The following NLRP1 variants were observed in gnomAD, a reference collection of about 807,000 sequenced individuals.
NLRP1 encodes NACHT, LRR and PYD domains-containing protein 1.
NLRP1 carries 94 observed loss-of-function variants against 136.7 expected under a neutral mutation model. The ratio of observed to expected loss-of-function variants is 0.69; its 90% CI spans 0.58 to 0.82. The LOEUF is 0.82. NLRP1 is among the 40% of genes least tolerant of loss of function. The pLI, the probability that NLRP1 is intolerant of heterozygous loss-of-function variation, is 0.00. For missense variants in NLRP1, 1,575 were observed against 1,802.7 expected (o/e 0.87, Z 2.29); for synonymous variants, 690 against 725.1 (o/e 0.95, Z 0.78).
rs562873065 is a variant in NLRP1 at position 5,557,667 on chromosome 17, T to C, written c.2357+672A>G. The stretch of plus-strand genomic sequence containing the variant: ...GACATAGACACATACCAATAGCATG[T>C]GATCGATACCACGACAGAGGTCGGG... On this transcript the variant is annotated intron_variant, in intron 4 of 16. Coordinates refer to ENST00000572272, the MANE Select transcript of NLRP1 (RefSeq NM_033004.4). 9.2e-5 allele frequency among the ~76,000 whole-genome samples: 14 copies of C among 152,320 alleles called. No individual in the cohort carries two copies. The South Asian group carries it at 2.9e-3, about 32-fold the overall frequency.
chr17:5,501,572 T>C, exon 16 of NLRP1: 2 of 397,782 alleles, frequency 5.0e-6, no homozygotes, highest in Non-Finnish European at 9.4e-6. Context: ...GCCTTCTTCC[T>C]TTTTTTTCTC....
rs76234137 is a variant in NLRP1, at chr17:5,514,443, C to T, written c.*311G>A. On this transcript the variant is annotated 3_prime_UTR_variant, in exon 17 of 17. Transcript: ENST00000572272. ...TCCATGTCCCTCCTATTCCTCTTTG[C>T]GCCTGGATGGGATCCGGAGGGCTCT... The T allele has an allele frequency of 7.0e-4, 845 of 1,208,668 alleles. 9 individuals carry two copies. The East Asian group carries it at 0.023, about 33-fold the overall frequency. 74.9% of individuals were successfully genotyped at this position (1,208,668 alleles called of 1,614,324 possible).
At chr17:5,530,446 C>T in intron 12 of NLRP1, 35 bp downstream of exon 12, 1 of 1,580,392 alleles carries the variant, frequency 6.3e-7, no homozygotes, top group South Asian at 1.1e-5. Context: ...CCATAATTAC[C>T]ACCACCTTCC....
chr17:5,538,578 CATAAAT>C (rs1245941915), intron 7 of NLRP1, among the ~76,000 whole-genome samples: 2 of 152,136 alleles, frequency 1.3e-5, no homozygotes, highest in South Asian at 2.1e-4. Context: ...CCACAGAGCT[CATAAAT>C]ATAGACTTGT....
intron 3 of NLRP1, among the ~76,000 whole-genome samples, chr17:5,564,279 A>T (rs1029912637): frequency 6.6e-6 from 1 of 152,208 alleles, no homozygotes; most frequent in Admixed American, 6.6e-5. Flanking sequence ...TGTGCTATCA[A>T]ACAGTGGGTC....
chr17:5,506,787 A>C (rs1428708408), intron 15 of NLRP1, among the ~76,000 whole-genome samples: 2 of 151,468 alleles, frequency 1.3e-5, no homozygotes, highest in Admixed American at 1.3e-4. Flanking sequence ...CTGTAATCCC[A>C]GCTACTTGGG....
chr17:5,514,678 G>T lies in NLRP1; in HGVS notation c.*76C>A. On this transcript the variant is annotated 3_prime_UTR_variant, in exon 17 of 17. Transcript: ENST00000572272. The stretch of plus-strand genomic sequence containing the variant: ...AGGCAAACCAGATGGCAACTTGTTT[G>T]CAGAGAAAGAAACTGAGACCCAAAG... The T allele has an allele frequency of 6.4e-7, 1 of 1,572,556 alleles. No individual in the cohort carries two copies. The highest frequency in any genetic ancestry group is 8.6e-7 in the Non-Finnish European group (1 of 1,158,274).
At chr17:5,515,659 A>G (rs1875449723) in intron 15 of NLRP1, 142 bp from the exon 16 acceptor site, 1 of 700,610 alleles carries the variant, frequency 1.4e-6, no homozygotes, top group African/African-American at 1.8e-5. Context: ...AATCTGGAGT[A>G]AGAGCTGGAA....
Position 5,584,253 on chromosome 17 carries a change from G to T in NLRP1, c.-296C>A, listed in dbSNP as rs1335257580. ...CAGGCAGGGAGGGTGAGGGTGAGGG[G>T]AGATGTGGTGACGGGAGATGGGGTG... On this transcript the variant is annotated 5_prime_UTR_variant, in exon 1 of 17. Transcript: ENST00000572272. The T allele has an allele frequency of 1.8e-5, 9 of 494,046 alleles. No individual in the cohort carries two copies. The highest frequency in any genetic ancestry group is 3.3e-5 in the Non-Finnish European group (9 of 272,698). The allele number at this position is 494,046 out of a possible 1,614,324, so 30.6% of individuals were successfully genotyped here.
Position 5,582,807 on chromosome 17 carries a change from T to C in NLRP1, c.311A>G (p.His104Arg). Residue 104 changes from histidine to arginine, a missense_variant, in exon 2 of 17, where the codon CAC becomes CGC. His to Arg is a conservative substitution (Grantham distance 29). Transcript: ENST00000572272. ...GGTGGGTTGGCTGGGAGACCCCAGG[T>C]GGGGTTCACTTGGGCTGTAGGGGAA... ...PSFPYSPSEP[H>R]LGSPSQPTST... 3 of 1,613,584 alleles carry C rather than the reference T, an allele frequency of 1.9e-6. No individual in the cohort carries two copies. Among genetic ancestry groups the C allele is most frequent in the Non-Finnish European group, 2.5e-6 (3 of 1,179,752 alleles).
At chr17:5,528,491 C>G (rs1597405967) in intron 12 of NLRP1, among the ~76,000 whole-genome samples, 2 of 152,186 alleles carry the variant, frequency 1.3e-5, no homozygotes, top group South Asian at 2.1e-4. Context: ...CCTGAGGCCC[C>G]CGGGACTCTA....
chr17:5,564,238 A>T (rs1425364978), intron 3 of NLRP1, among the ~76,000 whole-genome samples: 1 of 152,144 alleles, frequency 6.6e-6, no homozygotes. Context: ...AAAGTATACA[A>T]TTAATTTATT....
chr17:5,507,144 A>G (rs1269242146), intron 15 of NLRP1, among the ~76,000 whole-genome samples: 1 of 152,156 alleles, frequency 6.6e-6, no homozygotes, highest in African/African-American at 2.4e-5. Context: ...CAATTAAGGA[A>G]GATGAAAAAA....
chr17:5,520,143 A>AC (rs1908716710), intron 14 of NLRP1, among the ~76,000 whole-genome samples: 2 of 152,118 alleles, frequency 1.3e-5, no homozygotes, highest in Admixed American at 1.3e-4. Context: ...GGCGTGAGCC[A>AC]CCGCGCCTGG....
Position 5,559,315 on chromosome 17 carries a change from T to C in NLRP1, c.1381A>G (p.Thr461Ala), listed in dbSNP as rs754435383. 1.2e-6 allele frequency: 2 copies of C among 1,614,010 alleles called. No individual in the cohort carries two copies. The highest frequency in any genetic ancestry group is 1.7e-6 in the Non-Finnish European group (2 of 1,179,992). The change falls in exon 4 of 17, where the codon ACA becomes GCA. Residue 461 changes from threonine to alanine, a missense_variant. Coordinates refer to ENST00000572272, the MANE Select transcript of NLRP1 (RefSeq NM_033004.4). ...GAAGGAATGAGGTTCTGCAGAGCTG[T>C]GGTCCGAGCCGTGATCAGGAAGGAT... ...EASFLITART[T>A]ALQNLIPSLE...
chr17:5,512,690 A>ACCGTCT (rs1907722088), downstream of NLRP1, among the ~76,000 whole-genome samples: 2 of 149,130 alleles, frequency 1.3e-5, no homozygotes, highest in Admixed American at 1.3e-4. Context: ...GCTTGATTTC[A>ACCGTCT]TGTTCTGTTG....
intron 3 of NLRP1, among the ~76,000 whole-genome samples, chr17:5,574,319 A>G (rs1331449676): frequency 6.6e-6 from 1 of 152,216 alleles, no homozygotes; most frequent in Non-Finnish European, 1.5e-5. Context: ...AAAAGACCAA[A>G]TCTACATCTG....
At chr17:5,567,729 G>A (rs1323717108) in intron 3 of NLRP1, among the ~76,000 whole-genome samples, 2 of 151,966 alleles carry the variant, frequency 1.3e-5, no homozygotes, top group Non-Finnish European at 2.9e-5. Flanking sequence ...ACTCCTTTTA[G>A]CATTTCTTGT....
chr17:5,565,294 C>T (rs577816949), intron 3 of NLRP1, among the ~76,000 whole-genome samples: 8 of 152,268 alleles, frequency 5.3e-5, no homozygotes, highest in East Asian at 3.9e-4. Flanking sequence ...TTCTGAGAAA[C>T]GTCTATTCTA....
Sources: gnomAD v4.1 joint callset for allele counts (sites outside exome capture counted in the v4.1 genomes callset) on GRCh38, gnomAD v4.1.1 for gene constraint, MANE v1.5 for transcripts, NCBI Gene and HGNC (gene_info 2026-07-23, HGNC 2026-07-21) for gene names.